Variants in HSDL1 observed in about 807,000 individuals in gnomAD.
HSDL1 encodes the protein hydroxysteroid dehydrogenase like 1, also known as inactive hydroxysteroid dehydrogenase-like protein 1.
In HSDL1, 29 loss-of-function variants were observed where a neutral mutation model predicts 31.5. That is an observed-to-expected ratio of 0.92 (90% CI 0.69 to 1.26). The LOEUF (loss-of-function observed/expected upper bound fraction) is 1.26, where lower values mean the gene tolerates loss of function less well. HSDL1 is among the 50% of genes most tolerant of loss of function. HSDL1 has a pLI of 0.00. For synonymous variants in HSDL1, 222 were observed against 155.2 expected (o/e 1.43, Z -3.20); for missense variants, 503 against 416.6 (o/e 1.21, Z -1.81).
At chr16:84,137,952 G>A (rs922317083) in intron 1 of HSDL1, among the ~76,000 whole-genome samples, 17 of 151,802 alleles carry the variant, frequency 1.1e-4, no homozygotes, top group African/African-American at 2.7e-4. Flanking sequence ...CCTGTGCTAC[G>A]GTCTGAGCGT....
chr16:84,128,705 A>T (rs2086632510), intron 5 of HSDL1, among the ~76,000 whole-genome samples: 1 of 150,350 alleles, frequency 6.7e-6, no homozygotes, highest in Non-Finnish European at 1.5e-5. Flanking sequence ...TTACAGCAGC[A>T]TATTTCTTTT....
chr16:84,128,779 C>T (rs1450542512), intron 5 of HSDL1, among the ~76,000 whole-genome samples: 1 of 151,716 alleles, frequency 6.6e-6, no homozygotes, highest in Non-Finnish European at 1.5e-5. Context: ...GTGATCTTGG[C>T]TCACTGCAAC....
At chr16:84,136,627 A>G (rs1001596863) in intron 1 of HSDL1, among the ~76,000 whole-genome samples, 4 of 152,216 alleles carry the variant, frequency 2.6e-5, no homozygotes, top group Non-Finnish European at 5.9e-5. Context: ...AGATGCACCC[A>G]CTGCAGAGGT....
Position 84,143,896 on chromosome 16 carries a change from G to C in HSDL1, c.-69+1184C>G, listed in dbSNP as rs1012673232. Among the ~76,000 whole-genome samples the C allele has an allele frequency of 2.6e-5, 4 of 151,894 alleles. No individual in the cohort carries two copies. In the South Asian group the frequency reaches 6.2e-4, roughly 24 times the overall value. On this transcript the variant is annotated intron_variant, in intron 1 of 5. Transcript: ENST00000219439. ...AACGTGCCTGTAATCCCAGCTACTC[G>C]GAAGGCTGAGGCAGGAGAATCACTT...
chr16:84,134,511 C>T (rs2086695751), intron 2 of HSDL1, among the ~76,000 whole-genome samples: 1 of 151,962 alleles, frequency 6.6e-6, no homozygotes, highest in Non-Finnish European at 1.5e-5. Context: ...GCTTGGGTGG[C>T]TGAGGAAGGA....
intron 1 of HSDL1, among the ~76,000 whole-genome samples, chr16:84,136,243 GC>G (rs1262996370): frequency 6.6e-6 from 1 of 152,346 alleles, no homozygotes; most frequent in East Asian, 1.9e-4. Context: ...TTTGGGGGCA[GC>G]CCCCCTAGGC....
rs1365574249 is a variant in HSDL1 at position 84,124,159 on chromosome 16, C to A, written c.*471G>T. 2 of 162,578 alleles carry A rather than the reference C, an allele frequency of 1.2e-5. No individual in the cohort carries two copies. Among genetic ancestry groups the A allele is most frequent in the East Asian group, 1.7e-4 (1 of 5,806 alleles). The allele number at this position is 162,578 out of a possible 1,614,324, so 10.1% of individuals were successfully genotyped here. ...AACAGCTAGAGCTATACAATACACA[C>A]AGATTTTTCCTAATAGTACCAGCAA... On this transcript the variant is annotated 3_prime_UTR_variant, in exon 6 of 6. Coordinates refer to ENST00000219439, the MANE Select transcript of HSDL1 (RefSeq NM_031463.5).
At chr16:84,126,115 A>G (rs1330862498) in intron 5 of HSDL1, among the ~76,000 whole-genome samples, 2 of 152,074 alleles carry the variant, frequency 1.3e-5, no homozygotes, top group African/African-American at 4.8e-5. Flanking sequence ...AAAAAAAAAA[A>G]AAAACACCAC....
At position 84,124,363 on chromosome 16, in the gene HSDL1, C is replaced by A; in HGVS notation, c.*267G>T. On this transcript the variant is annotated 3_prime_UTR_variant, in exon 6 of 6. Coordinates refer to ENST00000219439, the MANE Select transcript of HSDL1 (RefSeq NM_031463.5). ...CTGTGGCTCTAGAACAACAGAAAAG[C>A]GTAACTTTCAAACAGCTTAGGGAAA... is the stretch of plus-strand genomic sequence containing the variant. 1 of 280,490 alleles carries A rather than the reference C, an allele frequency of 3.6e-6. No homozygotes were observed. The highest frequency in any genetic ancestry group is 6.9e-6 in the Non-Finnish European group (1 of 145,316). 17.4% of individuals were successfully genotyped at this position (280,490 alleles called of 1,614,324 possible).
intron 1 of HSDL1, among the ~76,000 whole-genome samples, chr16:84,140,875 G>A (rs1379251493): frequency 3.9e-5 from 6 of 151,964 alleles, no homozygotes; most frequent in Non-Finnish European, 8.8e-5. Context: ...AGGCCGAGGC[G>A]GGCGGATCAC....
chr16:84,144,030 T>C (rs148579513), intron 1 of HSDL1, among the ~76,000 whole-genome samples: 92 of 147,984 alleles, frequency 6.2e-4, no homozygotes, highest in Admixed American at 2.4e-3. Context: ...AATCAATCAA[T>C]CAACACCCTC....
intron 2 of HSDL1, among the ~76,000 whole-genome samples, chr16:84,131,605 C>A (rs1186058932): frequency 6.6e-6 from 1 of 152,116 alleles, no homozygotes; most frequent in Non-Finnish European, 1.5e-5. Context: ...ACCTCCACCT[C>A]CCGGGTTCAA....
chr16:84,142,524 C>T (rs2086778033), intron 1 of HSDL1, among the ~76,000 whole-genome samples: 1 of 150,464 alleles, frequency 6.6e-6, no homozygotes. Context: ...CAACCTCCTC[C>T]TTCCAAGTTC....
At chr16:84,144,525 C>G (rs559959713) in intron 1 of HSDL1, 1 of 152,442 alleles carries the variant, frequency 6.6e-6, no homozygotes, top group South Asian at 2.1e-4. Context: ...TCAACACGAG[C>G]AAACTCGGAA....
intron 5 of HSDL1, among the ~76,000 whole-genome samples, chr16:84,127,716 ATTTT>A (rs758790146): frequency 8.0e-6 from 1 of 124,698 alleles, no homozygotes; most frequent in Non-Finnish European, 1.7e-5. Flanking sequence ...TCACACTGGT[ATTTT>A]TTTTTTTTTT....
chr16:84,126,374 G>C (rs946896623), intron 5 of HSDL1, among the ~76,000 whole-genome samples: 1 of 152,104 alleles, frequency 6.6e-6, no homozygotes, highest in Non-Finnish European at 1.5e-5. Flanking sequence ...AGCAGACATA[G>C]GGCAATGTCT....
chr16:84,131,501 CTAT>C (rs1190288435), intron 2 of HSDL1, among the ~76,000 whole-genome samples, 174 bp from the exon 3 acceptor site: 4 of 151,462 alleles, frequency 2.6e-5, no homozygotes, highest in Non-Finnish European at 5.9e-5. Context: ...ATCTATCTAT[CTAT>C]CTATCTATCT....
intron 1 of HSDL1, among the ~76,000 whole-genome samples, chr16:84,140,146 A>C (rs1333512104): frequency 6.6e-6 from 1 of 152,124 alleles, no homozygotes; most frequent in African/African-American, 2.4e-5. Context: ...CTTAGCACAC[A>C]CTGCTTTGGA....
intron 2 of HSDL1, among the ~76,000 whole-genome samples, chr16:84,133,185 T>C (rs553145062): frequency 7.8e-4 from 118 of 152,126 alleles, no homozygotes; most frequent in Admixed American, 2.1e-3. Flanking sequence ...TGGCACCATA[T>C]TGTGATAAAA....
Sources: gnomAD v4.1 joint callset for allele counts (sites outside exome capture counted in the v4.1 genomes callset) on GRCh38, gnomAD v4.1.1 for gene constraint, MANE v1.5 for transcripts, NCBI Gene and HGNC (gene_info 2026-07-23, HGNC 2026-07-21) for gene names.